The following TMC2 variants were observed in gnomAD, a reference collection of about 807,000 sequenced individuals.
TMC2 encodes the protein transmembrane channel like 2, also known as transmembrane channel-like protein 2.
Under a neutral mutation model 105.9 loss-of-function variants are expected in TMC2, and 102 were observed. That is an observed-to-expected ratio of 0.96 (90% CI 0.82 to 1.14). The LOEUF (loss-of-function observed/expected upper bound fraction) is 1.14, where lower values mean the gene tolerates loss of function less well. TMC2 is among the 50% of genes most tolerant of loss of function. The probability of loss-of-function intolerance (pLI) is 0.00; values close to 1 mark genes in which losing one functional copy is unlikely to be tolerated. For synonymous variants in TMC2, 402 were observed against 422.8 expected (o/e 0.95, Z 0.60); for missense variants, 1,093 against 1,134.3 (o/e 0.96, Z 0.52).
intron 7 of TMC2, among the ~76,000 whole-genome samples, chr20:2,581,474 C>T (rs1021862556): frequency 1.3e-5 from 2 of 152,190 alleles, no homozygotes; most frequent in African/African-American, 4.8e-5. Context: ...CACTGTCAAG[C>T]GTACACAAAC....
chr20:2,609,675 T>C (rs879603792), intron 11 of TMC2, among the ~76,000 whole-genome samples: 1 of 152,110 alleles, frequency 6.6e-6, no homozygotes, highest in African/African-American at 2.4e-5. Context: ...GTGGTAGATA[T>C]GGGGCAGTGA....
At position 2,558,710 on chromosome 20, in the gene TMC2, G is replaced by C; in HGVS notation, c.337G>C (p.Ala113Pro). 1.2e-6 allele frequency: 2 copies of C among 1,601,316 alleles called. No individual in the cohort carries two copies. The highest frequency in any genetic ancestry group is 1.7e-6 in the Non-Finnish European group (2 of 1,174,142). The change falls in exon 3 of 20, where the codon GCC (alanine) becomes CCC (proline). Residue 113 changes from alanine to proline, a missense_variant. By Grantham distance (27) the Ala-to-Pro change is conservative. Transcript: ENST00000358864. The surrounding 1 kb of genome is among the most constrained non-coding windows in gnomAD (Gnocchi z 4.6). ...GGCCTCCTTCCAGGAGCGGACAGCA[G>C]CCCCAAAGAGGGAAAAGGAGATTCC... The part of the protein sequence containing the change: ...ERASFQERTA[A>P]PKREKEIPRR...
At position 2,562,014 on chromosome 20, in the gene TMC2, A is replaced by G; in HGVS notation, c.554+4A>G. ...CGAAGAAGCTGACAGAGCTCAGGTG[A>G]GCAGGCTGCGGGTCAGCCAGGGCCT... On this transcript the variant is annotated splice_donor_region_variant and intron_variant, in intron 4 of 19. Transcript: ENST00000358864. The G allele has an allele frequency of 6.2e-7, 1 of 1,613,182 alleles. No individual in the cohort carries two copies.
Position 2,546,367 on chromosome 20 carries a change from A to G in TMC2, c.82+9051A>G, listed in dbSNP as rs530625243. The stretch of plus-strand genomic sequence containing the variant: ...TTAAGGATGTAAATAGAAATATTAA[A>G]AATAGAAGTCTTATAATTTACATAA... On this transcript the variant is annotated intron_variant, in intron 2 of 19. Transcript: ENST00000358864. Among the ~76,000 whole-genome samples, 24 of 152,362 alleles carry G rather than the reference A, an allele frequency of 1.6e-4. No individual in the cohort carries two copies. The South Asian group carries it at 4.8e-3, about 30-fold the overall frequency.
Position 2,616,326 on chromosome 20 carries a change from C to A in TMC2, c.1940+122C>A. The A allele has an allele frequency of 1.3e-6, 1 of 748,362 alleles. No individual in the cohort carries two copies. Among genetic ancestry groups the A allele is most frequent in the Non-Finnish European group, 2.4e-6 (1 of 423,616 alleles). The allele number at this position is 748,362 out of a possible 1,614,324, so 46.4% of individuals were successfully genotyped here. On this transcript the variant is annotated intron_variant, in intron 15 of 19. Transcript: ENST00000358864. This position sits in a 1 kb window ranked among gnomAD's most constrained non-coding sequence, Gnocchi z 4.8. ...AAGTCCTCTTGCCTCTCTGAACTCC[C>A]CTCTTTCACATGAAAAATCAAGAGC...
At chr20:2,581,181 A>T in intron 7 of TMC2, among the ~76,000 whole-genome samples, 2 of 152,310 alleles carry the variant, frequency 1.3e-5, no homozygotes, top group South Asian at 4.1e-4. Flanking sequence ...CACTTTCAGG[A>T]CATTAAAAAC....
At chr20:2,542,963 A>T (rs887198693) in intron 2 of TMC2, among the ~76,000 whole-genome samples, 3 of 152,102 alleles carry the variant, frequency 2.0e-5, no homozygotes, top group African/African-American at 4.8e-5. Flanking sequence ...AAGGCCAGGC[A>T]TGGTGGCACA....
chr20:2,599,001 G>A (rs946736696), intron 10 of TMC2, among the ~76,000 whole-genome samples: 1 of 152,086 alleles, frequency 6.6e-6, no homozygotes, highest in Non-Finnish European at 1.5e-5. Context: ...ACTATTTTAG[G>A]GTTCTAAGTT....
chr20:2,620,820 A>G (rs1489561781), intron 16 of TMC2, among the ~76,000 whole-genome samples: 1 of 152,190 alleles, frequency 6.6e-6, no homozygotes, highest in African/African-American at 2.4e-5. Context: ...AGCCCAGAGG[A>G]TTATTCTCAG....
chr20:2,605,570 T>C (rs776730344), intron 11 of TMC2, among the ~76,000 whole-genome samples: 1 of 152,178 alleles, frequency 6.6e-6, no homozygotes, highest in Non-Finnish European at 1.5e-5. Flanking sequence ...TCACTTAACC[T>C]TAATTACCTC....
At chr20:2,606,891 C>CTTTTTTTTTTTTT (rs11476357) in intron 11 of TMC2, among the ~76,000 whole-genome samples, 7 of 83,984 alleles carry the variant, frequency 8.3e-5, no homozygotes, top group Non-Finnish European at 1.5e-4. Context: ...TTTCTTTTTT[C>CTTTTTTTTTTTTT]TTTTTTTTTT....
intron 2 of TMC2, among the ~76,000 whole-genome samples, chr20:2,556,040 T>C (rs2085982983): frequency 6.6e-6 from 1 of 152,246 alleles, no homozygotes; most frequent in African/African-American, 2.4e-5. Context: ...CAAACCCTTA[T>C]CTTTTAGGTC....
rs181877040 is a variant in TMC2 at position 2,572,039 on chromosome 20, C to T, written c.555-140C>T. On this transcript the variant is annotated intron_variant, in intron 4 of 19. Transcript: ENST00000358864. ...TCAGTGGATAAAACAGACAGAATGT[C>T]GTGCCTTCATGGAATTTATATTTTA... The T allele has an allele frequency of 5.1e-4, 343 of 667,138 alleles. 1 individual carries two copies. The African/African-American group carries it at 5.4e-3, about 11-fold the overall frequency. 41.3% of individuals were successfully genotyped at this position (667,138 alleles called of 1,614,324 possible).
At chr20:2,568,354 CAA>C (rs1262935840) in intron 4 of TMC2, among the ~76,000 whole-genome samples, 1 of 152,018 alleles carries the variant, frequency 6.6e-6, no homozygotes. Flanking sequence ...TCACAGAGTT[CAA>C]AAAAAGTTTG....
intron 2 of TMC2, among the ~76,000 whole-genome samples, chr20:2,545,909 A>AT (rs1328961400): frequency 1.5e-4 from 23 of 148,962 alleles, no homozygotes; most frequent in African/African-American, 4.9e-4. Flanking sequence ...AGAAAGAAAA[A>AT]AAGAAAGAAA....
At chr20:2,618,130 A>G (rs1180131939) in intron 16 of TMC2, 1 of 152,186 alleles carries the variant, frequency 6.6e-6, no homozygotes, top group East Asian at 1.9e-4. Flanking sequence ...CTAACTGTAT[A>G]TTTGTACCAG....
intron 2 of TMC2, among the ~76,000 whole-genome samples, chr20:2,542,493 G>T (rs2085896243): frequency 6.6e-6 from 1 of 152,116 alleles, no homozygotes; most frequent in African/African-American, 2.4e-5. Flanking sequence ...CCTGCTTTTA[G>T]TCCAAAAGGG....
intron 12 of TMC2, among the ~76,000 whole-genome samples, chr20:2,611,878 GTGGGTGGGTGGATGGATGGA>G (rs2086442166): frequency 1.0e-5 from 1 of 98,584 alleles, no homozygotes; most frequent in Non-Finnish European, 2.0e-5. Context: ...GGGTGGGTGG[GTGGGTGGGTGGATGGATGGA>G]TGGATGGATG....
chr20:2,584,527 A>C (rs1290171408), intron 7 of TMC2, among the ~76,000 whole-genome samples: 1 of 151,852 alleles, frequency 6.6e-6, no homozygotes, highest in Non-Finnish European at 1.5e-5. Flanking sequence ...TTACACACAC[A>C]CTGAAGTCCT....
Sources: gnomAD v4.1 joint callset for allele counts (sites outside exome capture counted in the v4.1 genomes callset) on GRCh38, gnomAD v4.1.1 for gene constraint, Gnocchi (gnomAD v3.1) non-coding constraint, MANE v1.5 for transcripts, NCBI Gene and HGNC (gene_info 2026-07-23, HGNC 2026-07-21) for gene names.